The following ADH1B variants were observed in gnomAD, a reference collection of about 807,000 sequenced individuals.
The protein encoded by ADH1B is all-trans-retinol dehydrogenase [NAD(+)] ADH1B.
ADH1B carries 29 observed loss-of-function variants against 34.6 expected under a neutral mutation model. That is an observed-to-expected ratio of 0.84 (90% CI 0.62 to 1.14). The LOEUF (loss-of-function observed/expected upper bound fraction) is 1.14. Ranked by LOEUF, ADH1B falls within the 50% of genes most tolerant of loss-of-function variation. The probability of loss-of-function intolerance (pLI) is 0.00; values close to 1 mark genes in which losing one functional copy is unlikely to be tolerated. For missense variants in ADH1B, 424 were observed against 468.4 expected, an observed-to-expected ratio of 0.91 and a Z score of 0.87; for synonymous variants, 170 against 175.5, an observed-to-expected ratio of 0.97 and a Z score of 0.25.
In ADH1B at chr4:99,305,665, T is replaced by G. The variant is rs1160778544; in HGVS notation, c.*2175A>C. ...CATAGTAAATTTTCTTTTTTCATAG[T>G]GCATGATGCAGAAGGCTCCCACATG... On this transcript the variant is annotated 3_prime_UTR_variant, in exon 9 of 9. Coordinates refer to ENST00000305046, the MANE Select transcript of ADH1B (RefSeq NM_000668.6). The G allele has an allele frequency of 6.8e-6, 1 of 146,546 alleles. No homozygotes were observed. The highest frequency in any genetic ancestry group is 1.5e-5 in the Non-Finnish European group (1 of 66,892). 9.1% of individuals were successfully genotyped at this position (146,546 alleles called of 1,614,324 possible).
chr4:99,308,131 A>G (rs182095058), intron 8 of ADH1B, among the ~76,000 whole-genome samples: 1 of 152,116 alleles, frequency 6.6e-6, no homozygotes, highest in African/African-American at 2.4e-5. Flanking sequence ...CTACATTAGC[A>G]TCTTCAAAAA....
intron 8 of ADH1B, 66 bp downstream of exon 8, chr4:99,310,699 A>G: frequency 6.5e-7 from 1 of 1,546,580 alleles, no homozygotes; most frequent in Non-Finnish European, 8.7e-7. Context: ...CACCTTTTTC[A>G]TTCTCTGCTA....
intron 3 of ADH1B, chr4:99,317,397 T>A (rs1203797539): frequency 6.6e-6 from 1 of 152,210 alleles, no homozygotes; most frequent in African/African-American, 2.4e-5. Flanking sequence ...TAATTAGTAA[T>A]CTGTAACCAG....
At chr4:99,314,875 A>T (rs140275419) in intron 5 of ADH1B, 1 of 152,244 alleles carries the variant, frequency 6.6e-6, no homozygotes, top group Admixed American at 6.5e-5. Context: ...GTGGTTGGCT[A>T]GGGGCTATTT....
At chr4:99,311,849 T>A (rs867320139) in intron 6 of ADH1B, among the ~76,000 whole-genome samples, 193 bp from the exon 7 acceptor site, 7 of 152,188 alleles carry the variant, frequency 4.6e-5, no homozygotes, top group Admixed American at 1.3e-4. Flanking sequence ...AAAATGGTTT[T>A]TTAATGAAAG....
At position 99,316,292 on chromosome 4, in the gene ADH1B, G is replaced by A; in HGVS notation, c.270C>T (p.Val90=). The A allele has an allele frequency of 6.2e-7, 1 of 1,614,008 alleles. No homozygotes were observed. The highest frequency in any genetic ancestry group is 8.5e-7 in the Non-Finnish European group (1 of 1,179,974). Residue 90 remains valine, a synonymous_variant, in exon 4 of 9, where the codon GTC becomes GTT. Transcript: ENST00000305046. ...CACACTGAGGAGTAAAGAGCGGGAT[G>A]ACTTTATCACCTGGAGAGGAATAAA... The part of the protein sequence containing the change: ...GVTTVKPGDK[V]IPLFTPQCGK...
rs966598421 is a variant in ADH1B at position 99,306,716 on chromosome 4, T to C, written c.*1124A>G. ...GAGTGGGAAAAGCATTAACAAAGCA[T>C]TAACACAGGTCTTTACATATTCAAA... On this transcript the variant is annotated 3_prime_UTR_variant, in exon 9 of 9. Transcript: ENST00000305046. The C allele has an allele frequency of 6.6e-5, 10 of 152,220 alleles. No individual in the cohort carries two copies. The highest frequency in any genetic ancestry group is 2.4e-4 in the African/African-American group (10 of 41,466). 9.4% of individuals were successfully genotyped at this position (152,220 alleles called of 1,614,324 possible). A position where few individuals can be genotyped will look rare whatever the true frequency, so the allele number is the denominator to read the frequency against.
At position 99,307,782 on chromosome 4, in the gene ADH1B, A is replaced by C. The variant is rs1306415560; in HGVS notation, c.*58T>G. On this transcript the variant is annotated 3_prime_UTR_variant, in exon 9 of 9. Transcript: ENST00000305046. ...AATGATATTTCCTAGCTGTTGCTCC[A>C]GATCTTGTAGGGTAGAGGAGGCTGA... is the stretch of plus-strand genomic sequence containing the variant. The C allele has an allele frequency of 1.3e-6, 2 of 1,585,878 alleles. No homozygotes were observed. Among genetic ancestry groups the C allele is most frequent in the Non-Finnish European group, 1.7e-6 (2 of 1,155,034 alleles).
At chr4:99,313,796 T>G (rs755136035) in intron 6 of ADH1B, 25 bp downstream of exon 6, 1 of 1,613,974 alleles carries the variant, frequency 6.2e-7, no homozygotes, top group South Asian at 1.1e-5. Flanking sequence ...GAGGCAGAAA[T>G]CTCAGGGCAT....
In ADH1B at chr4:99,305,561, G is replaced by GTGTGTGTA. The variant is rs1383879642; in HGVS notation, c.*2278_*2279insTACACACA. 2.0e-5 allele frequency: 1 copy of GTGTGTGTA among 49,374 alleles called. No homozygotes were observed. Among genetic ancestry groups the GTGTGTGTA allele is most frequent in the African/African-American group, 9.2e-5 (1 of 10,814 alleles). The allele number at this position is 49,374 out of a possible 1,614,324, so 3.1% of individuals were successfully genotyped here. A position where few individuals can be genotyped will look rare whatever the true frequency, so the allele number is the denominator to read the frequency against. ...CTATATGAACCACTTGCCCCATAGT[G>GTGTGTGTA]TATATATATATATATATATATATAT... On this transcript the variant is annotated 3_prime_UTR_variant, in exon 9 of 9. Coordinates refer to ENST00000305046, the MANE Select transcript of ADH1B (RefSeq NM_000668.6).
At chr4:99,311,102 T>G (rs111884172) in intron 7 of ADH1B, among the ~76,000 whole-genome samples, 199 bp from the exon 8 acceptor site, 41 of 152,328 alleles carry the variant, frequency 2.7e-4, no homozygotes, top group African/African-American at 9.9e-4. Flanking sequence ...ACGAAGGTTC[T>G]TAGTTATTTT....
At position 99,311,630 on chromosome 4, in the gene ADH1B, C is replaced by T; in HGVS notation, c.855G>A (p.Glu285=). ...CTACGATGACGCTTGTGCCACATGC[C>T]TCATGACAACATAACAGGGAAGCCA... ...TMMASLLCCH[E]ACGTSVIVGV... The change falls in exon 7 of 9, where the codon GAG becomes GAA. Residue 285 remains glutamate, a synonymous_variant. Coordinates refer to ENST00000305046, the MANE Select transcript of ADH1B (RefSeq NM_000668.6). 6.2e-7 allele frequency: 1 copy of T among 1,613,898 alleles called. No individual in the cohort carries two copies. The highest frequency in any genetic ancestry group is 1.3e-5 in the African/African-American group (1 of 75,014).
At chr4:99,314,371 GACTC>G in intron 5 of ADH1B, 5 of 445,720 alleles carry the variant, frequency 1.1e-5, no homozygotes, top group Non-Finnish European at 1.6e-5. Context: ...TCTGCAGGTG[GACTC>G]AGTCCCCAGG....
At position 99,313,951 on chromosome 4, in the gene ADH1B, G is replaced by C; in HGVS notation, c.698C>G (p.Ala233Gly). Residue 233 changes from alanine to glycine, a missense_variant, in exon 6 of 9, where the codon GCC (alanine) becomes GGC (glycine). Coordinates refer to ENST00000305046, the MANE Select transcript of ADH1B (RefSeq NM_000668.6). Reference protein sequence around the residue: ...VDINKDKFAKAKELGATECIN... With the variant: ...VDINKDKFAKGKELGATECIN... ...GCATTCAGTGGCACCCAACTCTTTG[G>C]CCTTTGCAAATTTGTCCTTGTTGAT... 1 of 1,614,060 alleles carries C rather than the reference G, an allele frequency of 6.2e-7. No individual in the cohort carries two copies. Among genetic ancestry groups the C allele is most frequent in the South Asian group, 1.1e-5 (1 of 91,066 alleles).
chr4:99,307,891 G>A (rs768902886), intron 8 of ADH1B, 27 bp from the exon 9 acceptor site: 3 of 1,613,780 alleles, frequency 1.9e-6, no homozygotes, highest in South Asian at 2.2e-5. Context: ...GAGACATTGT[G>A]TTAACATTTA....
At chr4:99,319,997 C>A (rs1733984100) in intron 1 of ADH1B, 1 of 152,076 alleles carries the variant, frequency 6.6e-6, no homozygotes, top group African/African-American at 2.4e-5. Flanking sequence ...ACATTGTGAC[C>A]TGTGCTGGGT....
intron 2 of ADH1B, chr4:99,318,438 A>G (rs929768112): frequency 3.7e-6 from 2 of 546,664 alleles, no homozygotes; most frequent in African/African-American, 3.9e-5. Flanking sequence ...TTTAAGTCTT[A>G]TGTAAGAATG....
At chr4:99,308,986 A>G (rs1733683117) in intron 8 of ADH1B, among the ~76,000 whole-genome samples, 2 of 151,912 alleles carry the variant, frequency 1.3e-5, no homozygotes, top group Non-Finnish European at 2.9e-5. Flanking sequence ...AATAAATATA[A>G]AAAAAGAAAA....
At chr4:99,311,016 A>G in intron 7 of ADH1B, 113 bp from the exon 8 acceptor site, 3 of 1,238,736 alleles carry the variant, frequency 2.4e-6, no homozygotes, top group Non-Finnish European at 3.5e-6. Context: ...CCAGACTGCT[A>G]TAACTGAGGA....
Sources: allele counts gnomAD v4.1 joint callset (sites outside exome capture counted in the v4.1 genomes callset), GRCh38; gene constraint gnomAD v4.1.1; transcripts MANE v1.5; gene names NCBI Gene and HGNC (gene_info 2026-07-23, HGNC 2026-07-21).